Variants in RBFOX1 observed in about 807,000 individuals in gnomAD.
RBFOX1 encodes RNA binding protein fox-1 homolog 1.
A neutral mutation model predicts 57.7 loss-of-function variants in RBFOX1; 8 were observed. The observed-to-expected ratio is 0.14, with a 90% confidence interval of 0.08 to 0.25. The LOEUF (loss-of-function observed/expected upper bound fraction) is 0.25, where lower values mean the gene tolerates loss of function less well. Among genes scored for constraint, RBFOX1 ranks in the 10% least tolerant of loss-of-function variants. The probability of loss-of-function intolerance (pLI) is 1.00; values close to 1 mark genes in which losing one functional copy is unlikely to be tolerated. For missense variants in RBFOX1, 611 were observed against 548.5 expected (o/e 1.11, Z -1.14); for synonymous variants, 326 against 222.4 (o/e 1.47, Z -4.15).
intron 1 of RBFOX1, among the ~76,000 whole-genome samples, chr16:5,291,939 G>C (rs1345006198): frequency 6.6e-6 from 1 of 151,784 alleles, no homozygotes; most frequent in Non-Finnish European, 1.5e-5. Context: ...TTTGTGAAGA[G>C]GAATGTTTGT....
At chr16:5,550,652 A>T (rs1345341978) in intron 2 of RBFOX1, among the ~76,000 whole-genome samples, 1 of 152,202 alleles carries the variant, frequency 6.6e-6, no homozygotes, top group Non-Finnish European at 1.5e-5. Flanking sequence ...ATCAGGTCCC[A>T]TTTATGGTAC....
At chr16:7,689,463 A>C (rs1260464394) in intron 14 of RBFOX1, among the ~76,000 whole-genome samples, 2 of 152,092 alleles carry the variant, frequency 1.3e-5, no homozygotes, top group Non-Finnish European at 2.9e-5. Flanking sequence ...GAACAGTGAA[A>C]ATGAGTGCCT....
At chr16:5,636,190 A>T (rs1157433160) in intron 3 of RBFOX1, among the ~76,000 whole-genome samples, 7 of 152,126 alleles carry the variant, frequency 4.6e-5, no homozygotes, top group Admixed American at 4.6e-4. Context: ...TCTACTAAAA[A>T]TACAAAAATT....
At chr16:6,536,303 G>A (rs2096734651) in intron 2 of RBFOX1, among the ~76,000 whole-genome samples, 1 of 151,976 alleles carries the variant, frequency 6.6e-6, no homozygotes, top group African/African-American at 2.4e-5. Flanking sequence ...AATCTCGTGG[G>A]AAGGAAAAAA....
intron 3 of RBFOX1, among the ~76,000 whole-genome samples, chr16:6,670,565 G>C (rs911904340): frequency 6.6e-6 from 1 of 152,076 alleles, no homozygotes; most frequent in East Asian, 1.9e-4. Context: ...TAAACACCCG[G>C]TAATACCTTT....
intron 1 of RBFOX1, among the ~76,000 whole-genome samples, chr16:5,310,636 A>G (rs1313483226): frequency 3.3e-5 from 5 of 152,180 alleles, no homozygotes; most frequent in Non-Finnish European, 5.9e-5. Context: ...TCGATTCCCA[A>G]TTTATGAACA....
At chr16:6,494,981 T>C (rs908838796) in intron 2 of RBFOX1, among the ~76,000 whole-genome samples, 15 of 152,180 alleles carry the variant, frequency 9.9e-5, no homozygotes, top group African/African-American at 1.7e-4. Context: ...TTCTTACTTA[T>C]GGAGGAAACA....
chr16:7,356,721 A>T (rs993117612), intron 4 of RBFOX1, among the ~76,000 whole-genome samples: 2 of 152,260 alleles, frequency 1.3e-5, no homozygotes, highest in Admixed American at 1.3e-4. Flanking sequence ...AATAAGACAA[A>T]TACGTTAAAG....
At chr16:6,115,246 G>C (rs977450170) in intron 1 of RBFOX1, among the ~76,000 whole-genome samples, 1 of 152,128 alleles carries the variant, frequency 6.6e-6, no homozygotes, top group African/African-American at 2.4e-5. Flanking sequence ...TAGGATTCTT[G>C]TAAGAAATAG....
chr16:5,295,720 G>T (rs761437043), intron 1 of RBFOX1, among the ~76,000 whole-genome samples: 6 of 152,142 alleles, frequency 3.9e-5, no homozygotes, highest in Non-Finnish European at 5.9e-5. Context: ...CCTATCTAAC[G>T]TAATCACTAC....
chr16:5,564,281 G>A (rs891211602), intron 2 of RBFOX1, among the ~76,000 whole-genome samples: 1 of 152,040 alleles, frequency 6.6e-6, no homozygotes, highest in Non-Finnish European at 1.5e-5. Context: ...CACTCCTAAA[G>A]TGCTGGGATT....
chr16:7,706,907 T>C (rs1240668595), intron 14 of RBFOX1, among the ~76,000 whole-genome samples: 3 of 152,058 alleles, frequency 2.0e-5, no homozygotes, highest in African/African-American at 7.2e-5. Context: ...ATATTATTAT[T>C]TTATCAAAAA....
chr16:5,266,643 G>A (rs896414221), intron 1 of RBFOX1, among the ~76,000 whole-genome samples: 1 of 150,090 alleles, frequency 6.7e-6, no homozygotes, highest in African/African-American at 2.5e-5. Context: ...TGTCTCCTGG[G>A]CTCAAGGAGT....
intron 4 of RBFOX1, among the ~76,000 whole-genome samples, chr16:7,378,005 G>T (rs1427908521): frequency 6.6e-6 from 1 of 152,156 alleles, no homozygotes; most frequent in Non-Finnish European, 1.5e-5. Context: ...AATGTGCAAA[G>T]TCTCTAAAGT....
In RBFOX1 at chr16:7,482,336, G is replaced by A. The variant is rs528652319; in HGVS notation, c.28-35811G>A. ...GGAGGCGTTACAGTCCCACTTTACC[G>A]GTGAGAAAAATGAGGCTCAAAGAGG... On this transcript the variant is annotated intron_variant, in intron 4 of 15. Coordinates refer to ENST00000550418, the MANE Select transcript of RBFOX1 (RefSeq NM_018723.4). Among the ~76,000 whole-genome samples, 18 of 152,160 alleles carry A rather than the reference G, an allele frequency of 1.2e-4. No individual in the cohort carries two copies. In the South Asian group the frequency reaches 2.9e-3, roughly 25 times the overall value.
intron 2 of RBFOX1, among the ~76,000 whole-genome samples, chr16:5,549,668 A>C (rs2045378512): frequency 6.6e-6 from 1 of 152,220 alleles, no homozygotes; most frequent in Non-Finnish European, 1.5e-5. Flanking sequence ...TGAGATGTTT[A>C]AAAAGGGTAG....
At chr16:7,567,151 C>CTATATACATATCCATATATATATCCCTA (rs2091897045) in intron 5 of RBFOX1, among the ~76,000 whole-genome samples, 2 of 61,146 alleles carry the variant, frequency 3.3e-5, no homozygotes, top group Non-Finnish European at 8.8e-5. Context: ...ATATATATCC[C>CTATATACATATCCATATATATATCCCTA]TATATATATA....
At chr16:7,025,049 A>C (rs1054375508) in intron 3 of RBFOX1, among the ~76,000 whole-genome samples, 4 of 152,166 alleles carry the variant, frequency 2.6e-5, no homozygotes, top group African/African-American at 9.7e-5. Context: ...ATCTCCCGCA[A>C]GACAAGAGTT....
intron 1 of RBFOX1, among the ~76,000 whole-genome samples, chr16:6,166,143 C>T (rs561799167): frequency 6.6e-6 from 1 of 152,218 alleles, no homozygotes; most frequent in South Asian, 2.1e-4. Flanking sequence ...TTCTGGTTCC[C>T]CAAGTAGAAA....
Sources: allele counts gnomAD v4.1 joint callset (sites outside exome capture counted in the v4.1 genomes callset), GRCh38; gene constraint gnomAD v4.1.1; transcripts MANE v1.5; gene names NCBI Gene and HGNC (gene_info 2026-07-23, HGNC 2026-07-21).